The following FHIT variants were observed in gnomAD, a reference collection of about 807,000 sequenced individuals.
FHIT encodes fragile histidine triad diadenosine triphosphatase.
Under a neutral mutation model 17.9 loss-of-function variants are expected in FHIT, and 19 were observed. The observed-to-expected ratio is 1.06, with a 90% CI of 0.74 to 1.56. The LOEUF is 1.56. FHIT is among the 40% of genes most tolerant of loss of function. FHIT has a pLI of 0.00. For synonymous variants in FHIT, 81 were observed against 69.7 expected, an observed-to-expected ratio of 1.16 and a Z score of -0.81; for missense variants, 248 against 189.2, an observed-to-expected ratio of 1.31 and a Z score of -1.82.
At chr3:60,390,725 T>G (rs142288553) in intron 5 of FHIT, among the ~76,000 whole-genome samples, 187 of 151,462 alleles carry the variant, frequency 1.2e-3, no homozygotes, top group Non-Finnish European at 1.9e-3. Context: ...CAAAAAACTT[T>G]AAAAAGAAAA....
At chr3:60,938,232 C>A (rs1708271619) in intron 3 of FHIT, among the ~76,000 whole-genome samples, 2 of 152,106 alleles carry the variant, frequency 1.3e-5, no homozygotes, top group Admixed American at 1.3e-4. Flanking sequence ...GGGGCAGAGT[C>A]CAAATAGGAA....
chr3:60,637,706 C>A (rs1188881803), intron 4 of FHIT, among the ~76,000 whole-genome samples: 3 of 152,084 alleles, frequency 2.0e-5, no homozygotes, highest in Non-Finnish European at 4.4e-5. Flanking sequence ...AACATATATA[C>A]AGTATGTGGT....
intron 2 of FHIT, among the ~76,000 whole-genome samples, chr3:61,149,747 G>A (rs1193707776): frequency 6.6e-6 from 1 of 151,738 alleles, no homozygotes; most frequent in Non-Finnish European, 1.5e-5. Context: ...ATATGTGGTG[G>A]TGCGCACCTG....
intron 4 of FHIT, among the ~76,000 whole-genome samples, chr3:60,567,582 C>T (rs2037185675): frequency 6.6e-6 from 1 of 152,122 alleles, no homozygotes; most frequent in Admixed American, 6.5e-5. Context: ...AAAGCAATGG[C>T]AACAAAAGCC....
rs569942241 is a variant in FHIT, at chr3:60,046,921, C to CA, written c.104-32770dup. Among the ~76,000 whole-genome samples, 4 of 152,166 alleles carry CA rather than the reference C, an allele frequency of 2.6e-5. No homozygotes were observed. In the South Asian group the frequency reaches 8.3e-4, roughly 32 times the overall value. ...GTCCCTTTTACGCATTACAAGATAACAAAAAGTTATGCGATTTTAGGAAAT... is the reference window on the plus strand; with the variant it reads ...GTCCCTTTTACGCATTACAAGATAACAAAAAAGTTATGCGATTTTAGGAAAT... On this transcript the variant is annotated intron_variant, in intron 5 of 9. Transcript: ENST00000492590.
At chr3:59,759,503 G>C (rs749530834) in intron 8 of FHIT, among the ~76,000 whole-genome samples, 1 of 152,268 alleles carries the variant, frequency 6.6e-6, no homozygotes, top group South Asian at 2.1e-4. Flanking sequence ...CCTGGTGCTT[G>C]TCTGTAAAGC....
At chr3:60,021,190 G>C in intron 5 of FHIT, among the ~76,000 whole-genome samples, 1 of 152,148 alleles carries the variant, frequency 6.6e-6, no homozygotes, top group East Asian at 1.9e-4. Context: ...ACTATCTCAT[G>C]TTTTGCCCTG....
chr3:60,827,547 C>T (rs781927196), intron 3 of FHIT, among the ~76,000 whole-genome samples: 4 of 152,154 alleles, frequency 2.6e-5, no homozygotes, highest in Non-Finnish European at 5.9e-5. Context: ...CATGATTCCA[C>T]ACATGGAAAT....
At chr3:59,857,116 G>A (rs964980550) in intron 8 of FHIT, among the ~76,000 whole-genome samples, 2 of 152,168 alleles carry the variant, frequency 1.3e-5, no homozygotes, top group Non-Finnish European at 2.9e-5. Flanking sequence ...CCTCTGAGGG[G>A]CACTGGAGTT....
intron 2 of FHIT, among the ~76,000 whole-genome samples, chr3:61,180,484 C>A (rs2038304316): frequency 6.6e-6 from 1 of 152,110 alleles, no homozygotes. Flanking sequence ...TTAGGTTAGA[C>A]CTAGTTTTGT....
chr3:61,214,301 G>A (rs1247741703), intron 1 of FHIT, among the ~76,000 whole-genome samples: 8 of 152,008 alleles, frequency 5.3e-5, no homozygotes, highest in East Asian at 3.8e-4. Flanking sequence ...TCAAATAGAC[G>A]CAGTAAAAAA....
chr3:60,880,464 G>A (rs929422490), intron 3 of FHIT, among the ~76,000 whole-genome samples: 1 of 152,220 alleles, frequency 6.6e-6, no homozygotes, highest in South Asian at 2.1e-4. Context: ...TGAGCATGGT[G>A]GCTTACGCCT....
At chr3:59,929,746 A>C (rs1163312961) in intron 7 of FHIT, among the ~76,000 whole-genome samples, 1 of 152,218 alleles carries the variant, frequency 6.6e-6, no homozygotes, top group Non-Finnish European at 1.5e-5. Context: ...ACAGCATAGA[A>C]AATCTGGAAG....
chr3:60,785,500 G>A (rs967139717), intron 4 of FHIT, among the ~76,000 whole-genome samples: 1 of 152,136 alleles, frequency 6.6e-6, no homozygotes, highest in Admixed American at 6.5e-5. Flanking sequence ...CCATGGACTT[G>A]CAGAGGGTTT....
intron 4 of FHIT, among the ~76,000 whole-genome samples, chr3:60,596,510 C>T (rs1415897933): frequency 4.6e-5 from 7 of 152,142 alleles, no homozygotes; most frequent in African/African-American, 1.7e-4. Context: ...TTTCCAATTG[C>T]TATCTCCTTC....
chr3:59,874,688 T>TG (rs1703074546), intron 8 of FHIT, among the ~76,000 whole-genome samples: 1 of 151,402 alleles, frequency 6.6e-6, no homozygotes, highest in Non-Finnish European at 1.5e-5. Flanking sequence ...ATTTTTTTTT[T>TG]TTGCCAGTTA....
intron 4 of FHIT, among the ~76,000 whole-genome samples, chr3:60,608,679 A>G (rs1553672187): frequency 2.6e-5 from 4 of 152,176 alleles, no homozygotes; most frequent in African/African-American, 2.4e-5. Context: ...TCCCAATGCC[A>G]CAATCTAGAC....
chr3:61,033,522 T>C (rs890535298), intron 3 of FHIT, among the ~76,000 whole-genome samples: 2 of 152,220 alleles, frequency 1.3e-5, no homozygotes, highest in South Asian at 2.1e-4. Context: ...TTAGAATTAA[T>C]CTCATCTGTT....
intron 3 of FHIT, among the ~76,000 whole-genome samples, chr3:60,952,296 A>G (rs1286839395): frequency 6.6e-6 from 1 of 152,074 alleles, no homozygotes; most frequent in African/African-American, 2.4e-5. Flanking sequence ...AAGAAAACAT[A>G]GCAGTGCAAT....
Sources: gnomAD v4.1 joint callset for allele counts (sites outside exome capture counted in the v4.1 genomes callset) on GRCh38, gnomAD v4.1.1 for gene constraint, MANE v1.5 for transcripts, NCBI Gene and HGNC (gene_info 2026-07-23, HGNC 2026-07-21) for gene names.